Variants in FHAD1 observed in about 807,000 individuals in gnomAD.
FHAD1 encodes forkhead-associated domain-containing protein 1.
Under a neutral mutation model 191.3 loss-of-function variants are expected in FHAD1, and 146 were observed. The ratio of observed to expected loss-of-function variants is 0.76; its 90% CI spans 0.67 to 0.88. The LOEUF (loss-of-function observed/expected upper bound fraction) is 0.88, where lower values mean the gene tolerates loss of function less well. Ranked by LOEUF, FHAD1 falls within the 40% of genes least tolerant of loss-of-function variation. FHAD1 has a pLI of 0.00. For synonymous variants in FHAD1, 616 were observed against 672.3 expected, an observed-to-expected ratio of 0.92 and a Z score of 1.29; for missense variants, 1,635 against 1,785.8, an observed-to-expected ratio of 0.92 and a Z score of 1.52.
chr1:15,289,834 G>A lies in FHAD1; in HGVS notation c.568+168G>A, dbSNP rs181150220. Among the ~76,000 whole-genome samples, 56 of 152,262 alleles carry A rather than the reference G, an allele frequency of 3.7e-4. No homozygotes were observed. Among genetic ancestry groups the A allele is most frequent in the Non-Finnish European group, 6.3e-4 (43 of 68,016 alleles). On this transcript the variant is annotated intron_variant, in intron 4 of 33. Transcript: ENST00000688493. This position sits in a 1 kb window ranked among gnomAD's most constrained non-coding sequence, Gnocchi z 4.2. ...TAAGAAAACAGTTAAAAAATCAGCC[G>A]TAATCCTTATCCCCAGGGTCTCCCT...
intron 6 of FHAD1, chr1:15,305,799 C>G (rs1158198044): frequency 2.2e-6 from 1 of 445,644 alleles, no homozygotes; most frequent in Non-Finnish European, 4.5e-6. Flanking sequence ...GATTCTGAGG[C>G]CTCCCCGGCC....
intron 14 of FHAD1, among the ~76,000 whole-genome samples, chr1:15,333,165 G>A (rs1180862251): frequency 6.6e-6 from 1 of 152,152 alleles, no homozygotes; most frequent in Non-Finnish European, 1.5e-5. Flanking sequence ...GGAAGTTGAT[G>A]GTAAAAGGCA....
In FHAD1 at chr1:15,313,041, G is replaced by A; in HGVS notation, c.1040-16G>A. On this transcript the variant is annotated splice_polypyrimidine_tract_variant and intron_variant, in intron 7 of 33. Transcript: ENST00000688493. ...CTCACTGCCTCTTTGACCTCTGCGA[G>A]TCTTCTTTTTTACAGGGATGGTGTC... 1 of 1,551,482 alleles carries A rather than the reference G, an allele frequency of 6.4e-7. No individual in the cohort carries two copies. The highest frequency in any genetic ancestry group is 8.7e-7 in the Non-Finnish European group (1 of 1,146,880).
intron 14 of FHAD1, chr1:15,334,694 CA>C (rs1683266476): frequency 6.6e-6 from 1 of 152,296 alleles, no homozygotes; most frequent in South Asian, 2.1e-4. Context: ...TCGTCAGCCT[CA>C]AATACTGGTT....
In FHAD1 at chr1:15,381,230, G is replaced by A. The variant is rs761862570; in HGVS notation, c.3802-1G>A. 19 of 1,550,052 alleles carry A rather than the reference G, an allele frequency of 1.2e-5. No homozygotes were observed. Among genetic ancestry groups the A allele is most frequent in the Non-Finnish European group, 8.7e-7 (1 of 1,145,658 alleles). On this transcript the variant is annotated splice_acceptor_variant, in intron 29 of 33. Transcript: ENST00000688493. LOFTEE classifies it high-confidence loss of function. The surrounding 1 kb of genome is among the most constrained non-coding windows in gnomAD (Gnocchi z 4.6). ...CTTATGCGCGAACGTTTTCCTTGTA[G>A]TACCTGGATATGAGCAAAACCCTCG...
intron 14 of FHAD1, among the ~76,000 whole-genome samples, chr1:15,339,247 C>T (rs1685543290): frequency 6.6e-6 from 1 of 152,170 alleles, no homozygotes; most frequent in Non-Finnish European, 1.5e-5. Flanking sequence ...TCTCGAGCTC[C>T]TGACCTCAGG....
chr1:15,357,625 CAAAAAA>C (rs71000395), intron 20 of FHAD1, among the ~76,000 whole-genome samples: 3 of 76,114 alleles, frequency 3.9e-5, no homozygotes, highest in Admixed American at 1.6e-4. Flanking sequence ...TCCTCCGTCT[CAAAAAA>C]AAAAAAAAAA....
intron 3 of FHAD1, among the ~76,000 whole-genome samples, chr1:15,287,955 G>A (rs1663090182): frequency 6.6e-6 from 1 of 152,178 alleles, no homozygotes; most frequent in Non-Finnish European, 1.5e-5. Flanking sequence ...GGCTACAGAA[G>A]GAGAACCATG....
At position 15,276,807 on chromosome 1, in the gene FHAD1, A is replaced by G. The variant is rs1489875400; in HGVS notation, c.300+4278A>G. Among the ~76,000 whole-genome samples the G allele has an allele frequency of 6.6e-6, 1 of 151,986 alleles. No individual in the cohort carries two copies. Among genetic ancestry groups the G allele is most frequent in the Non-Finnish European group, 1.5e-5 (1 of 68,012 alleles). On this transcript the variant is annotated intron_variant, in intron 3 of 33. Coordinates refer to ENST00000688493, the MANE Select transcript of FHAD1 (RefSeq NM_001391957.1). The surrounding 1 kb of genome is among the most constrained non-coding windows in gnomAD (Gnocchi z 4.7). ...AGACTCTCTCAAAAAAAAAAAAAGT[A>G]TAGCCTAGGGCCACCACCTTGCACA...
chr1:15,390,652 G>T (rs956516616), intron 32 of FHAD1, among the ~76,000 whole-genome samples: 3 of 152,174 alleles, frequency 2.0e-5, no homozygotes, highest in Admixed American at 2.0e-4. Context: ...TTTCTTCAGG[G>T]AACTGTTGCT....
intron 33 of FHAD1, among the ~76,000 whole-genome samples, chr1:15,395,715 G>A (rs1705718799): frequency 6.6e-6 from 1 of 152,170 alleles, no homozygotes; most frequent in East Asian, 1.9e-4. Context: ...TCTAAGCCAA[G>A]CTTGTCCAAC....
intron 3 of FHAD1, among the ~76,000 whole-genome samples, chr1:15,279,686 A>G (rs1237071126): frequency 1.3e-5 from 2 of 152,070 alleles, no homozygotes; most frequent in Non-Finnish European, 2.9e-5. Context: ...AGCTCTAGGA[A>G]AAGAGCAAGC....
intron 1 of FHAD1, among the ~76,000 whole-genome samples, chr1:15,237,093 C>T (rs970879275): frequency 9.9e-5 from 15 of 152,134 alleles, no homozygotes; most frequent in Non-Finnish European, 2.9e-5. Context: ...CCTTGCCCTG[C>T]AGAACTGTGA....
At chr1:15,371,282 C>G (rs1036423427) in intron 26 of FHAD1, among the ~76,000 whole-genome samples, 2 of 152,132 alleles carry the variant, frequency 1.3e-5, no homozygotes, top group African/African-American at 4.8e-5. Flanking sequence ...ACTCTGTGCA[C>G]GTCTGTTGGA....
chr1:15,386,823 T>C (rs989754054), intron 31 of FHAD1, among the ~76,000 whole-genome samples: 6 of 151,430 alleles, frequency 4.0e-5, no homozygotes, highest in Admixed American at 3.3e-4. Context: ...TGCTCTTTTC[T>C]CTTTTTCTTT....
At chr1:15,315,954 C>T (rs933686333) in intron 8 of FHAD1, among the ~76,000 whole-genome samples, 2 of 152,166 alleles carry the variant, frequency 1.3e-5, no homozygotes, top group African/African-American at 2.4e-5. Context: ...GCCAAATTGC[C>T]CTCCAGAACG....
intron 33 of FHAD1, among the ~76,000 whole-genome samples, chr1:15,393,420 A>ACACACACACG (rs2103150908): frequency 7.5e-6 from 1 of 133,792 alleles, no homozygotes; most frequent in East Asian, 2.0e-4. Flanking sequence ...ATGTGGACAC[A>ACACACACACG]CACACACACG....
At chr1:15,335,093 G>C (rs1012073348) in intron 14 of FHAD1, among the ~76,000 whole-genome samples, 1 of 152,200 alleles carries the variant, frequency 6.6e-6, no homozygotes, top group Non-Finnish European at 1.5e-5. Flanking sequence ...GAATCCAGGC[G>C]GGGTAAACGT....
intron 1 of FHAD1, among the ~76,000 whole-genome samples, chr1:15,241,890 T>C (rs188678053): frequency 2.0e-5 from 3 of 152,300 alleles, no homozygotes; most frequent in African/African-American, 7.2e-5. Context: ...AGTGCAATTA[T>C]GACCTGAGAC....
Sources: allele counts gnomAD v4.1 joint callset (sites outside exome capture counted in the v4.1 genomes callset), GRCh38; gene constraint gnomAD v4.1.1; non-coding constraint Gnocchi (gnomAD v3.1); transcripts MANE v1.5; gene names NCBI Gene and HGNC (gene_info 2026-07-23, HGNC 2026-07-21).